The following GABBR2 variants were observed in gnomAD, a reference collection of about 807,000 sequenced individuals.
GABBR2 encodes gamma-aminobutyric acid type B receptor subunit 2, also known as G-protein coupled receptor 51.
In GABBR2, 23 loss-of-function variants were observed where a neutral mutation model predicts 105.6. The observed-to-expected ratio is 0.22, with a 90% CI of 0.16 to 0.31. GABBR2 has a LOEUF of 0.31. Among genes scored for constraint, GABBR2 ranks in the 10% least tolerant of loss-of-function variants. The pLI is 1.00. For missense variants in GABBR2, 734 were observed against 1,245.5 expected (o/e 0.59, Z 6.18); for synonymous variants, 478 against 499.7 (o/e 0.96, Z 0.58).
At chr9:98,676,056 T>C (rs1342049288) in intron 1 of GABBR2, among the ~76,000 whole-genome samples, 1 of 152,226 alleles carries the variant, frequency 6.6e-6, no homozygotes, top group East Asian at 1.9e-4. Context: ...GGATTCTGCA[T>C]ATGTGACTAA....
intron 1 of GABBR2, among the ~76,000 whole-genome samples, chr9:98,621,597 G>A (rs1829671963): frequency 6.6e-6 from 1 of 152,176 alleles, no homozygotes; most frequent in South Asian, 2.1e-4. Flanking sequence ...GGCCTACTAA[G>A]GGCTCCTTCA....
chr9:98,642,308 C>A (rs988147815), intron 1 of GABBR2, among the ~76,000 whole-genome samples: 1 of 152,224 alleles, frequency 6.6e-6, no homozygotes, highest in African/African-American at 2.4e-5. Context: ...AGCATCTGCT[C>A]CTGTCCCTCC....
chr9:98,495,505 C>A (rs7042208), intron 4 of GABBR2, among the ~76,000 whole-genome samples: 46,013 of 152,034 alleles, frequency 0.3, 7,365 homozygotes, highest in Non-Finnish European at 0.35. Context: ...CCCAGGATAA[C>A]ATATCAAACT....
chr9:98,607,224 G>A (rs1240811367), intron 1 of GABBR2: 17 of 1,462,972 alleles, frequency 1.2e-5, no homozygotes, highest in South Asian at 2.3e-5. Flanking sequence ...CCTTACAATC[G>A]ACTACATTGA....
At chr9:98,423,785 A>T (rs1477493503) in intron 7 of GABBR2, among the ~76,000 whole-genome samples, 1 of 152,160 alleles carries the variant, frequency 6.6e-6, no homozygotes, top group African/African-American at 2.4e-5. Context: ...TTTTTGTATA[A>T]GGTGTAAGGA....
At chr9:98,625,164 C>T (rs1829717862) in intron 1 of GABBR2, among the ~76,000 whole-genome samples, 1 of 151,528 alleles carries the variant, frequency 6.6e-6, no homozygotes, top group South Asian at 2.1e-4. Context: ...GGGGCTATAA[C>T]CCAGCCCATG....
chr9:98,452,458 C>G (rs116303806), intron 7 of GABBR2, among the ~76,000 whole-genome samples: 1 of 152,212 alleles, frequency 6.6e-6, no homozygotes, highest in Non-Finnish European at 1.5e-5. Context: ...TCCCACTTGA[C>G]CCTGATTAGC....
chr9:98,393,053 T>A (rs1474998254), intron 9 of GABBR2, among the ~76,000 whole-genome samples: 19 of 137,056 alleles, frequency 1.4e-4, no homozygotes, highest in African/African-American at 4.8e-4. Flanking sequence ...CATCCATCCA[T>A]CCATCCATCC....
chr9:98,584,728 A>G (rs1829045138), intron 1 of GABBR2, among the ~76,000 whole-genome samples: 1 of 152,202 alleles, frequency 6.6e-6, no homozygotes, highest in Non-Finnish European at 1.5e-5. Flanking sequence ...GTTAATAACA[A>G]CCCATCTGAA....
intron 2 of GABBR2, 88 bp from the exon 3 acceptor site, chr9:98,542,131 G>T: frequency 9.1e-7 from 1 of 1,100,014 alleles, no homozygotes; most frequent in Non-Finnish European, 1.3e-6. Flanking sequence ...GAGACTGTTA[G>T]CTTCAACTTA....
chr9:98,289,059 G>C lies in GABBR2; in HGVS notation c.*1525C>G, dbSNP rs1830245003. On this transcript the variant is annotated 3_prime_UTR_variant, in exon 19 of 19. Coordinates refer to ENST00000259455, the MANE Select transcript of GABBR2 (RefSeq NM_005458.8). ...GAACCTGTCTAGGAATGTCAGAAAAGTCACTGGGAGCCTCCCTCCAGCCCG... is the reference window on the plus strand; with the variant it reads ...GAACCTGTCTAGGAATGTCAGAAAACTCACTGGGAGCCTCCCTCCAGCCCG... The C allele has an allele frequency of 6.6e-6, 1 of 152,652 alleles. No individual in the cohort carries two copies. The highest frequency in any genetic ancestry group is 2.4e-5 in the African/African-American group (1 of 41,440). The allele number at this position is 152,652 out of a possible 1,614,324, so 9.5% of individuals were successfully genotyped here. A position where few individuals can be genotyped will look rare whatever the true frequency, so the allele number is the denominator to read the frequency against.
At chr9:98,411,136 A>G (rs996900121) in intron 7 of GABBR2, among the ~76,000 whole-genome samples, 3 of 152,206 alleles carry the variant, frequency 2.0e-5, no homozygotes, top group Non-Finnish European at 4.4e-5. Context: ...CCAAGTGGAT[A>G]ACTTATAAGG....
chr9:98,498,274 G>C (rs1055664923), intron 3 of GABBR2, among the ~76,000 whole-genome samples: 1 of 152,102 alleles, frequency 6.6e-6, no homozygotes, highest in South Asian at 2.1e-4. Flanking sequence ...CAGAGTTTCA[G>C]TGTGGAATGA....
intron 7 of GABBR2, among the ~76,000 whole-genome samples, chr9:98,413,624 A>G (rs12684858): frequency 0.06 from 9,105 of 152,248 alleles, 330 homozygotes; most frequent in Non-Finnish European, 0.085. Context: ...GAAGGAGCAG[A>G]ATGGGAGGTG....
chr9:98,321,142 C>T (rs1830814733), intron 13 of GABBR2, among the ~76,000 whole-genome samples: 1 of 152,056 alleles, frequency 6.6e-6, no homozygotes, highest in Non-Finnish European at 1.5e-5. Context: ...AGGACTCGGC[C>T]CTGGGGGGTC....
At chr9:98,402,397 CA>C (rs1832409972) in intron 8 of GABBR2, among the ~76,000 whole-genome samples, 1 of 152,144 alleles carries the variant, frequency 6.6e-6, no homozygotes, top group Admixed American at 6.5e-5. Flanking sequence ...GAAAATCAGC[CA>C]TGGCATCAGG....
At position 98,501,693 on chromosome 9, in the gene GABBR2, G is replaced by A. The variant is rs371633843; in HGVS notation, c.631-5179C>T. On this transcript the variant is annotated intron_variant, in intron 3 of 18. Coordinates refer to ENST00000259455, the MANE Select transcript of GABBR2 (RefSeq NM_005458.8). ...CCACAGGCACGGGCTGATGGAGAGT[G>A]TAAAGGTCACAAAGGGTGAGACCAA... Among the ~76,000 whole-genome samples the A allele has an allele frequency of 1.2e-4, 19 of 152,208 alleles. 1 individual carries two copies. The South Asian group carries it at 3.5e-3, about 28-fold the overall frequency.
intron 1 of GABBR2, among the ~76,000 whole-genome samples, chr9:98,632,317 G>A (rs1270121226): frequency 6.6e-6 from 1 of 152,240 alleles, no homozygotes; most frequent in Non-Finnish European, 1.5e-5. Flanking sequence ...TAGTTGTGAA[G>A]AAGTAGAGAT....
At chr9:98,566,645 A>C (rs1828754812) in intron 2 of GABBR2, among the ~76,000 whole-genome samples, 1 of 152,024 alleles carries the variant, frequency 6.6e-6, no homozygotes, top group African/African-American at 2.4e-5. Flanking sequence ...ACTGCACTCC[A>C]GCCTGGGTGA....
Sources: allele counts gnomAD v4.1 joint callset (sites outside exome capture counted in the v4.1 genomes callset), GRCh38; gene constraint gnomAD v4.1.1; transcripts MANE v1.5; gene names NCBI Gene and HGNC (gene_info 2026-07-23, HGNC 2026-07-21).